Variants in LRSAM1 observed in about 807,000 individuals in gnomAD.
LRSAM1 encodes the protein E3 ubiquitin-protein ligase LRSAM1.
In LRSAM1, 96 loss-of-function variants were observed where a neutral mutation model predicts 118.1. That is an observed-to-expected ratio of 0.81 (90% CI 0.69 to 0.96). The LOEUF (loss-of-function observed/expected upper bound fraction) is 0.96. Among genes scored for constraint, LRSAM1 ranks in the 40% least tolerant of loss-of-function variants. The pLI, the probability that LRSAM1 is intolerant of heterozygous loss-of-function variation, is 0.00. For missense variants in LRSAM1, 804 were observed against 915.5 expected, an observed-to-expected ratio of 0.88 and a Z score of 1.57; for synonymous variants, 322 against 364.2, an observed-to-expected ratio of 0.88 and a Z score of 1.32.
In LRSAM1 at chr9:127,489,448, C is replaced by T. The variant is rs751593173; in HGVS notation, c.1352C>T (p.Ala451Val). Residue 451 changes from alanine (A) to valine (V), a missense_variant, in exon 19 of 26, where the codon GCG becomes GTG. Coordinates refer to ENST00000300417, the MANE Select transcript of LRSAM1 (RefSeq NM_001005373.4). ...GGCTGGTGGTCTGTGTTGCAGAGCGCGATGCAGAAGGCTGCGTTCGAGGCA... is the reference window on the plus strand; with the variant it reads ...GGCTGGTGGTCTGTGTTGCAGAGCGTGATGCAGAAGGCTGCGTTCGAGGCA... ...KAISQILQES[A>V]MQKAAFEALQ... 42 of 1,606,986 alleles carry T rather than the reference C, an allele frequency of 2.6e-5. No individual in the cohort carries two copies. The highest frequency in any genetic ancestry group is 8.9e-5 in the East Asian group (4 of 44,706).
At chr9:127,488,236 G>A (rs1330815880) in intron 18 of LRSAM1, among the ~76,000 whole-genome samples, 1 of 152,014 alleles carries the variant, frequency 6.6e-6, no homozygotes, top group Non-Finnish European at 1.5e-5. Flanking sequence ...CCTCCCCTTC[G>A]GTGTCCATAT....
At chr9:127,495,258 C>T in intron 21 of LRSAM1, 62 bp from the exon 22 acceptor site, 1 of 1,520,358 alleles carries the variant, frequency 6.6e-7, no homozygotes, top group South Asian at 1.1e-5. Context: ...TGGCAACCAT[C>T]ATTGTTATTA....
chr9:127,471,410 G>T (rs1458054787), intron 10 of LRSAM1, among the ~76,000 whole-genome samples: 1 of 145,412 alleles, frequency 6.9e-6, no homozygotes. Flanking sequence ...AGTGGAGGTT[G>T]CAGTGAGCCA....
intron 19 of LRSAM1, among the ~76,000 whole-genome samples, chr9:127,490,306 C>T (rs1835888937): frequency 6.7e-6 from 1 of 149,116 alleles, no homozygotes; most frequent in African/African-American, 2.5e-5. Context: ...TTTTAATTTC[C>T]CTCTTTAATT....
At position 127,500,358 on chromosome 9, in the gene LRSAM1, C is replaced by CAAAAAAAAAAAAAAAAA. The variant is rs563842364; in HGVS notation, c.1913-651_1913-635dup. Among the ~76,000 whole-genome samples the CAAAAAAAAAAAAAAAAA allele has an allele frequency of 3.7e-4, 35 of 93,538 alleles. 8 individuals carry two copies. Among genetic ancestry groups the CAAAAAAAAAAAAAAAAA allele is most frequent in the Non-Finnish European group, 5.4e-4 (25 of 46,470 alleles). 61.4% of individuals were successfully genotyped at this position (93,538 alleles called of 152,430 possible). A position where few individuals can be genotyped will look rare whatever the true frequency, so the allele number is the denominator to read the frequency against. Reference sequence around the variant, plus strand: ...CCTGGGTGACAGAGCGAGACTGTCTCAAAAAAAAAAAAAAAAAGAGACTTA... The same window carrying CAAAAAAAAAAAAAAAAA: ...CCTGGGTGACAGAGCGAGACTGTCTCAAAAAAAAAAAAAAAAAAAAAAAAAAAAAAAAAAGAGACTTA... On this transcript the variant is annotated intron_variant, in intron 24 of 25. Coordinates refer to ENST00000300417, the MANE Select transcript of LRSAM1 (RefSeq NM_001005373.4).
intron 13 of LRSAM1, 27 bp from the exon 14 acceptor site, chr9:127,479,812 G>C: frequency 1.2e-6 from 2 of 1,609,652 alleles, no homozygotes; most frequent in East Asian, 2.2e-5. Context: ...GGTCCCAGGG[G>C]CTCAGGACCC....
intron 9 of LRSAM1, among the ~76,000 whole-genome samples, chr9:127,464,777 G>A (rs141827833): frequency 6.6e-6 from 1 of 151,840 alleles, no homozygotes; most frequent in East Asian, 1.9e-4. Flanking sequence ...CAAGAGACTG[G>A]GACCACAGGT....
chr9:127,495,902 C>CTGT, intron 22 of LRSAM1, 62 bp from the exon 23 acceptor site: 1 of 1,597,860 alleles, frequency 6.3e-7, no homozygotes, highest in Non-Finnish European at 8.5e-7. Flanking sequence ...CCTTCATTTC[C>CTGT]TGTTGTAAAC....
intron 9 of LRSAM1, among the ~76,000 whole-genome samples, chr9:127,462,843 GA>G (rs993726644): frequency 1.1e-4 from 15 of 140,792 alleles, no homozygotes; most frequent in African/African-American, 2.9e-4. Context: ...AGTTGCAGAA[GA>G]AAAAAAAAGT....
rs777868589 is a variant in LRSAM1 at position 127,454,491 on chromosome 9, C to T, written c.-32-5C>T. 6 of 1,612,408 alleles carry T rather than the reference C, an allele frequency of 3.7e-6. No individual in the cohort carries two copies. Among genetic ancestry groups the T allele is most frequent in the Non-Finnish European group, 4.2e-6 (5 of 1,178,824 alleles). Reference sequence around the variant, plus strand: ...CCAGTCCCTAACTTCTCTCCTGTGCCCCAGGGTCCTAAAGATCGCTCTGGG... The same window carrying T: ...CCAGTCCCTAACTTCTCTCCTGTGCTCCAGGGTCCTAAAGATCGCTCTGGG... On this transcript the variant is annotated splice_polypyrimidine_tract_variant and splice_region_variant and intron_variant, in intron 2 of 25. Coordinates refer to ENST00000300417, the MANE Select transcript of LRSAM1 (RefSeq NM_001005373.4).
rs1834321219 is a variant in LRSAM1 at position 127,451,533 on chromosome 9, G to C, written c.-325G>C. 1.7e-6 allele frequency: 1 copy of C among 601,848 alleles called. No homozygotes were observed. The highest frequency in any genetic ancestry group is 2.9e-6 in the Non-Finnish European group (1 of 340,758). The allele number at this position is 601,848 out of a possible 1,614,324, so 37.3% of individuals were successfully genotyped here. On this transcript the variant is annotated 5_prime_UTR_variant, in exon 1 of 26. Coordinates refer to ENST00000300417, the MANE Select transcript of LRSAM1 (RefSeq NM_001005373.4). ...TTGTTGTGGGCAGGCGCCTGAGGCTGACGGCTGGCAAGCAGGGCACCGCGG... is the reference window on the plus strand; with the variant it reads ...TTGTTGTGGGCAGGCGCCTGAGGCTCACGGCTGGCAAGCAGGGCACCGCGG...
At chr9:127,473,031 G>A (rs919683674) in intron 10 of LRSAM1, among the ~76,000 whole-genome samples, 1 of 152,130 alleles carries the variant, frequency 6.6e-6, no homozygotes, top group East Asian at 1.9e-4. Flanking sequence ...CACAACCTGC[G>A]TAACATGAAG....
intron 17 of LRSAM1, 65 bp from the exon 18 acceptor site, chr9:127,487,611 C>T (rs763505762): frequency 1.4e-6 from 2 of 1,464,724 alleles, no homozygotes; most frequent in African/African-American, 1.4e-5. Context: ...CTCCAAGGGG[C>T]CTGGCACATA....
At chr9:127,469,198 G>T (rs767826471) in intron 10 of LRSAM1, among the ~76,000 whole-genome samples, 1 of 152,060 alleles carries the variant, frequency 6.6e-6, no homozygotes, top group South Asian at 2.1e-4. Flanking sequence ...ATATCCACAC[G>T]GTGGCTCACA....
chr9:127,484,485 C>G (rs1835655564), intron 16 of LRSAM1, among the ~76,000 whole-genome samples: 1 of 152,010 alleles, frequency 6.6e-6, no homozygotes, highest in Non-Finnish European at 1.5e-5. Flanking sequence ...ACTACAGCCT[C>G]CCAAGTAGTG....
chr9:127,461,577 C>T (rs1336879206), intron 8 of LRSAM1, among the ~76,000 whole-genome samples: 1 of 152,194 alleles, frequency 6.6e-6, no homozygotes, highest in Non-Finnish European at 1.5e-5. Flanking sequence ...TCCTAAGGAG[C>T]CGCAGTAAGG....
At chr9:127,455,165 T>G in intron 4 of LRSAM1, 111 bp downstream of exon 4, 46 of 1,057,536 alleles carry the variant, frequency 4.3e-5, no homozygotes, top group Non-Finnish European at 6.2e-5. Context: ...CCAGAAGCTC[T>G]AGTCACGAGA....
At chr9:127,467,936 T>G (rs1264606063) in intron 10 of LRSAM1, 106 bp downstream of exon 10, 1 of 1,098,078 alleles carries the variant, frequency 9.1e-7, no homozygotes, top group African/African-American at 1.6e-5. Flanking sequence ...ATGGCCACAG[T>G]GCCTACCTGC....
At chr9:127,462,867 A>T (rs964421019) in intron 9 of LRSAM1, among the ~76,000 whole-genome samples, 2 of 152,060 alleles carry the variant, frequency 1.3e-5, no homozygotes, top group Admixed American at 1.3e-4. Flanking sequence ...AAAAAAAAAA[A>T]AGTTGTGATA....
Sources: allele counts gnomAD v4.1 joint callset (sites outside exome capture counted in the v4.1 genomes callset), GRCh38; gene constraint gnomAD v4.1.1; transcripts MANE v1.5; gene names NCBI Gene and HGNC (gene_info 2026-07-23, HGNC 2026-07-21).